The following SMYD3 variants were observed in gnomAD, a reference collection of about 807,000 sequenced individuals.
SMYD3 encodes SET and MYND domain containing 3.
Under a neutral mutation model 57.7 loss-of-function variants are expected in SMYD3, and 36 were observed. The observed-to-expected ratio is 0.62, with a 90% CI of 0.48 to 0.82. The LOEUF is 0.82. SMYD3 is among the 40% of genes least tolerant of loss of function. The pLI is 0.00. For synonymous variants in SMYD3, 211 were observed against 195.0 expected (o/e 1.08, Z -0.68); for missense variants, 515 against 538.8 (o/e 0.96, Z 0.44).
chr1:245,987,706 G>T (rs2058730883), intron 5 of SMYD3, among the ~76,000 whole-genome samples: 1 of 152,178 alleles, frequency 6.6e-6, no homozygotes, highest in Non-Finnish European at 1.5e-5. Context: ...AGTGGAGACG[G>T]AATCTGAACT....
At chr1:245,948,165 G>A (rs1343621733) in intron 5 of SMYD3, among the ~76,000 whole-genome samples, 1 of 152,188 alleles carries the variant, frequency 6.6e-6, no homozygotes, top group East Asian at 1.9e-4. Flanking sequence ...TTAGGTAAGA[G>A]GGGCCTCAAG....
chr1:246,120,995 C>T (rs12031796), intron 5 of SMYD3, among the ~76,000 whole-genome samples: 10,062 of 152,184 alleles, frequency 0.066, 639 homozygotes, highest in South Asian at 0.19. Flanking sequence ...GTTCATTCCA[C>T]GTTGCTACAG....
intron 10 of SMYD3, among the ~76,000 whole-genome samples, chr1:245,838,901 C>T (rs10924351): frequency 0.41 from 62,019 of 152,058 alleles, 14,564 homozygotes; most frequent in East Asian, 0.87. Context: ...AATCTAGAGG[C>T]GTTGCATTAT....
At chr1:245,965,354 A>C (rs1370513083) in intron 5 of SMYD3, among the ~76,000 whole-genome samples, 1 of 152,236 alleles carries the variant, frequency 6.6e-6, no homozygotes, top group African/African-American at 2.4e-5. Context: ...ATTAGTAGTA[A>C]GTGTATATTG....
At chr1:246,321,664 T>C (rs931119201) in intron 5 of SMYD3, 4 of 151,824 alleles carry the variant, frequency 2.6e-5, no homozygotes, top group African/African-American at 9.7e-5. Flanking sequence ...GAAGGATATA[T>C]TTATGCTTAG....
chr1:246,234,078 A>C (rs1326831638), intron 5 of SMYD3, among the ~76,000 whole-genome samples: 2 of 139,618 alleles, frequency 1.4e-5, no homozygotes, highest in Non-Finnish European at 3.1e-5. Context: ...GCACTCCTTC[A>C]ATTCACACTG....
At chr1:245,799,721 T>A (rs189300513) in intron 10 of SMYD3, among the ~76,000 whole-genome samples, 1 of 152,344 alleles carries the variant, frequency 6.6e-6, no homozygotes, top group East Asian at 1.9e-4. Flanking sequence ...AACTTCTCTG[T>A]GGTATCTGCT....
intron 5 of SMYD3, among the ~76,000 whole-genome samples, chr1:246,081,691 G>T (rs1032409661): frequency 1.3e-5 from 2 of 152,124 alleles, no homozygotes; most frequent in African/African-American, 2.4e-5. Flanking sequence ...ACTGCACCCA[G>T]CCCCTAGCTT....
At chr1:245,763,639 G>T (rs955222591) in intron 11 of SMYD3, among the ~76,000 whole-genome samples, 36 of 152,208 alleles carry the variant, frequency 2.4e-4, no homozygotes, top group African/African-American at 8.7e-4. Context: ...CACACAGATG[G>T]TCAAGGGCTT....
chr1:246,391,621 A>C (rs2066574252), intron 1 of SMYD3, among the ~76,000 whole-genome samples: 1 of 152,176 alleles, frequency 6.6e-6, no homozygotes, highest in Non-Finnish European at 1.5e-5. Flanking sequence ...TGCTGCAGTG[A>C]CTATATTAAT....
intron 5 of SMYD3, among the ~76,000 whole-genome samples, chr1:246,116,940 C>T (rs1237527464): frequency 1.3e-5 from 2 of 152,152 alleles, no homozygotes; most frequent in African/African-American, 2.4e-5. Context: ...GGCATTAACT[C>T]CCCTGAATTT....
intron 5 of SMYD3, among the ~76,000 whole-genome samples, chr1:246,069,975 T>A (rs2060414764): frequency 6.6e-6 from 1 of 152,122 alleles, no homozygotes; most frequent in Admixed American, 6.5e-5. Context: ...CCTCTCCCCG[T>A]CAATGAGGCA....
intron 11 of SMYD3, among the ~76,000 whole-genome samples, chr1:245,757,904 T>G (rs1463288710): frequency 6.6e-6 from 1 of 152,170 alleles, no homozygotes. Context: ...TTTGGCTATT[T>G]GGGATTCCTT....
At chr1:245,843,576 GTGTA>G (rs1315428993) in intron 10 of SMYD3, among the ~76,000 whole-genome samples, 9 of 118,190 alleles carry the variant, frequency 7.6e-5, no homozygotes, top group Admixed American at 3.3e-4. Context: ...GTGTGTGTGT[GTGTA>G]TGTGCATATA....
At chr1:245,813,030 TTTGAGACG>T (rs1439971317) in intron 10 of SMYD3, among the ~76,000 whole-genome samples, 4 of 135,204 alleles carry the variant, frequency 3.0e-5, no homozygotes, top group African/African-American at 1.3e-4. Context: ...TTTTTTTTTT[TTTGAGACG>T]GAGTCTCGCT....
intron 5 of SMYD3, among the ~76,000 whole-genome samples, chr1:246,234,132 A>G (rs1558336154): frequency 7.9e-6 from 1 of 127,342 alleles, no homozygotes; most frequent in Admixed American, 8.4e-5. Context: ...CCTTCAATCC[A>G]CACTGTGATG....
chr1:245,845,117 T>C (rs2148432881), intron 10 of SMYD3, among the ~76,000 whole-genome samples: 1 of 152,356 alleles, frequency 6.6e-6, no homozygotes, highest in East Asian at 1.9e-4. Context: ...ATCCCTTCCA[T>C]ATTTGATATA....
intron 5 of SMYD3, among the ~76,000 whole-genome samples, chr1:246,236,663 C>T (rs959567100): frequency 6.6e-6 from 1 of 152,022 alleles, no homozygotes; most frequent in Non-Finnish European, 1.5e-5. Context: ...ATCCACCCAC[C>T]TCGGCCTCCC....
intron 5 of SMYD3, among the ~76,000 whole-genome samples, chr1:246,226,903 AATC>A (rs2063338146): frequency 6.6e-6 from 1 of 152,228 alleles, no homozygotes; most frequent in African/African-American, 2.4e-5. Context: ...AGACCTTATA[AATC>A]ATCTAGTTCA....
Sources: allele counts gnomAD v4.1 joint callset (sites outside exome capture counted in the v4.1 genomes callset), GRCh38; gene constraint gnomAD v4.1.1; transcripts MANE v1.5; gene names NCBI Gene and HGNC (gene_info 2026-07-23, HGNC 2026-07-21).